Variants in GLUD1 observed in about 807,000 individuals in gnomAD.
The protein encoded by GLUD1 is glutamate dehydrogenase 1, mitochondrial.
Under a neutral mutation model 56.0 loss-of-function variants are expected in GLUD1, and 22 were observed. The ratio of observed to expected loss-of-function variants is 0.39; its 90% confidence interval spans 0.28 to 0.56. The LOEUF (loss-of-function observed/expected upper bound fraction) is 0.56, where lower values mean the gene tolerates loss of function less well. Among genes scored for constraint, GLUD1 ranks in the 20% least tolerant of loss-of-function variants. The pLI is 0.58. For missense variants in GLUD1, 451 were observed against 732.0 expected, an observed-to-expected ratio of 0.62 and a Z score of 4.43; for synonymous variants, 223 against 269.9, an observed-to-expected ratio of 0.83 and a Z score of 1.70.
rs1311992450 is a variant in GLUD1, at chr10:87,094,251, G to A, written c.445+74C>T. 6.6e-7 allele frequency: 1 copy of A among 1,514,856 alleles called. No homozygotes were observed. Among genetic ancestry groups the A allele is most frequent in the Non-Finnish European group, 8.9e-7 (1 of 1,119,890 alleles). The allele number at this position is 1,514,856 out of a possible 1,614,324, so 93.8% of individuals were successfully genotyped here. A position where few individuals can be genotyped will look rare whatever the true frequency, so the allele number is the denominator to read the frequency against. ...CTGGGCTGGGCTGAGCAGCGGCCCC[G>A]CACCGGCAGGAGGCCGGAGGGGAGG... On this transcript the variant is annotated intron_variant, in intron 1 of 12. Transcript: ENST00000277865. This position sits in a 1 kb window ranked among gnomAD's most constrained non-coding sequence, Gnocchi z 6.6.
chr10:87,093,965 CACGGGCAGGTCATTCCCTTTCCTAGA>C, intron 1 of GLUD1: 1 of 1,398,768 alleles, frequency 7.1e-7, no homozygotes, highest in African/African-American at 1.4e-5. Context: ...GGCATTATCA[CACGGGCAGGTCATTCCCTTTCCTAGA>C]AGTGCATTTC....
chr10:87,084,124 T>C (rs545783366), intron 1 of GLUD1, among the ~76,000 whole-genome samples: 1 of 152,256 alleles, frequency 6.6e-6, no homozygotes, highest in African/African-American at 2.4e-5. Flanking sequence ...ACACCACCCA[T>C]GACGTTTATT....
At chr10:87,074,851 C>T (rs1846342976) in intron 3 of GLUD1, among the ~76,000 whole-genome samples, 1 of 151,852 alleles carries the variant, frequency 6.6e-6, no homozygotes, top group African/African-American at 2.4e-5. Flanking sequence ...CTATTAATTC[C>T]CCACTGAAAA....
rs576467396 is a variant in GLUD1, at chr10:87,055,252, A to G, written c.1495-1848T>C. The stretch of plus-strand genomic sequence containing the variant: ...TTAACAAAGGAGTATGACAAAGGAA[A>G]CAAGACTGGGGAGTGACTGTAATGA... On this transcript the variant is annotated intron_variant, in intron 11 of 12. Coordinates refer to ENST00000277865, the MANE Select transcript of GLUD1 (RefSeq NM_005271.5). 2.0e-5 allele frequency among the ~76,000 whole-genome samples: 3 copies of G among 152,204 alleles called. No homozygotes were observed. In the South Asian group the frequency reaches 6.2e-4, roughly 32 times the overall value.
At chr10:87,058,890 C>CA (rs1224952467) in intron 10 of GLUD1, among the ~76,000 whole-genome samples, 2 of 149,138 alleles carry the variant, frequency 1.3e-5, no homozygotes, top group Admixed American at 1.3e-4. Flanking sequence ...GACTCCCTCT[C>CA]AAAAAAAGAA....
intron 12 of GLUD1, 118 bp from the exon 13 acceptor site, chr10:87,051,988 T>G (rs1845642656): frequency 8.2e-7 from 1 of 1,212,734 alleles, no homozygotes; most frequent in Non-Finnish European, 1.2e-6. Context: ...AAGGCAGGAC[T>G]TGGGCAGCCA....
chr10:87,053,486 A>T lies in GLUD1; in HGVS notation c.1495-82T>A. 12 of 890,162 alleles carry T rather than the reference A, an allele frequency of 1.3e-5. No homozygotes were observed. The South Asian group carries it at 1.6e-4, about 12-fold the overall frequency. The allele number at this position is 890,162 out of a possible 1,614,324, so 55.1% of individuals were successfully genotyped here. A position where few individuals can be genotyped will look rare whatever the true frequency, so the allele number is the denominator to read the frequency against. Reference sequence around the variant, plus strand: ...TGTATAAGATGACAAAGGATTCTCAAGTCAATATACAACCAGACAGAATTT... The same window carrying T: ...TGTATAAGATGACAAAGGATTCTCATGTCAATATACAACCAGACAGAATTT... On this transcript the variant is annotated intron_variant, in intron 11 of 12. Transcript: ENST00000277865.
At chr10:87,060,410 ACTTTTCT>A in intron 8 of GLUD1, 169 bp from the exon 9 acceptor site, 1 of 677,660 alleles carries the variant, frequency 1.5e-6, no homozygotes, top group Admixed American at 2.7e-5. Flanking sequence ...ACTACCTTTC[ACTTTTCT>A]ATTTATCTAG....
At chr10:87,076,157 A>G in intron 2 of GLUD1, 134 bp from the exon 3 acceptor site, 1 of 742,862 alleles carries the variant, frequency 1.3e-6, no homozygotes. Context: ...TAAACCTACC[A>G]TCATTTTCTA....
intron 1 of GLUD1, chr10:87,093,870 T>C (rs1589392111): frequency 3.3e-6 from 4 of 1,221,226 alleles, no homozygotes; most frequent in South Asian, 1.3e-5. Context: ...TCTGTCACTA[T>C]TGGAACAGGA....
chr10:87,058,579 A>T (rs1845848188), intron 10 of GLUD1, among the ~76,000 whole-genome samples: 1 of 152,198 alleles, frequency 6.6e-6, no homozygotes, highest in South Asian at 2.1e-4. Flanking sequence ...TCGACAGTGG[A>T]GTTTTAAAAT....
At chr10:87,084,731 T>C (rs938854949) in intron 1 of GLUD1, among the ~76,000 whole-genome samples, 38 of 152,224 alleles carry the variant, frequency 2.5e-4, no homozygotes, top group Middle Eastern at 3.2e-3. Context: ...TCAGGAACTA[T>C]TTATTCAGTA....
chr10:87,063,355 GA>G (rs1219602623), intron 5 of GLUD1, among the ~76,000 whole-genome samples: 1 of 152,174 alleles, frequency 6.6e-6, no homozygotes, highest in East Asian at 1.9e-4. Flanking sequence ...TTACAAGCGT[GA>G]GCCACCACGC....
chr10:87,079,602 G>T (rs1345488897), intron 1 of GLUD1, among the ~76,000 whole-genome samples: 1 of 152,184 alleles, frequency 6.6e-6, no homozygotes, highest in African/African-American at 2.4e-5. Context: ...TGCACCATCC[G>T]CTTGCATGGA....
At chr10:87,068,193 T>C (rs1846130107) in intron 4 of GLUD1, 36 bp from the exon 5 acceptor site, 7 of 1,319,050 alleles carry the variant, frequency 5.3e-6, no homozygotes, top group African/African-American at 1.4e-5. Context: ...TGCACCAGTT[T>C]TTAAGAAAAA....
chr10:87,075,867 T>C (rs1246028611), intron 3 of GLUD1, 101 bp downstream of exon 3: 12 of 836,010 alleles, frequency 1.4e-5, no homozygotes, highest in Non-Finnish European at 1.6e-5. Context: ...TGAGCCAAGA[T>C]TGCGCCATTG....
rs1055311957 is a variant in GLUD1, at chr10:87,052,450, T to G, written c.1558-580A>C. ...TTGCAGTGAGCAGAGATTGCACCAT[T>G]GCACTCCAGCTGGGTGACAGAGCGA... On this transcript the variant is annotated intron_variant, in intron 12 of 12. Transcript: ENST00000277865. Among the ~76,000 whole-genome samples the G allele has an allele frequency of 9.2e-5, 14 of 152,142 alleles. 1 individual carries two copies. Among genetic ancestry groups the G allele is most frequent in the African/African-American group, 2.9e-4 (12 of 41,510 alleles).
chr10:87,081,191 A>T (rs1464991892), intron 1 of GLUD1, among the ~76,000 whole-genome samples: 1 of 102,052 alleles, frequency 9.8e-6, no homozygotes, highest in African/African-American at 4.6e-5. Context: ...TCCAGGAGGG[A>T]GGTGGGGGGG....
chr10:87,076,727 G>C, intron 1 of GLUD1, 71 bp from the exon 2 acceptor site: 2 of 892,396 alleles, frequency 2.2e-6, no homozygotes, highest in Non-Finnish European at 1.9e-6. Flanking sequence ...ACAAACTTAA[G>C]TAAGCTTCAA....
Sources: allele counts gnomAD v4.1 joint callset (sites outside exome capture counted in the v4.1 genomes callset), GRCh38; gene constraint gnomAD v4.1.1; non-coding constraint Gnocchi (gnomAD v3.1); transcripts MANE v1.5; gene names NCBI Gene and HGNC (gene_info 2026-07-23, HGNC 2026-07-21).